The following RBMS3 variants were observed in gnomAD, a reference collection of about 807,000 sequenced individuals.
RBMS3 encodes RNA-binding motif, single-stranded-interacting protein 3.
In RBMS3, 27 loss-of-function variants were observed where a neutral mutation model predicts 66.8. That is an observed-to-expected ratio of 0.40 (90% CI 0.30 to 0.56). The LOEUF is 0.56. Ranked by LOEUF, RBMS3 falls within the 20% of genes least tolerant of loss-of-function variation. The probability of loss-of-function intolerance (pLI) is 0.40; values close to 1 mark genes in which losing one functional copy is unlikely to be tolerated. For missense variants in RBMS3, 513 were observed against 549.5 expected (o/e 0.93, Z 0.66); for synonymous variants, 188 against 183.0 (o/e 1.03, Z -0.22).
chr3:29,731,107 C>A, intron 4 of RBMS3: 2 of 828,446 alleles, frequency 2.4e-6, no homozygotes, highest in Non-Finnish European at 2.9e-6. Context: ...AAATAAAAGC[C>A]AGCCCAAGCC....
At chr3:29,655,707 T>G (rs935922565) in intron 4 of RBMS3, among the ~76,000 whole-genome samples, 2 of 152,234 alleles carry the variant, frequency 1.3e-5, no homozygotes, top group Admixed American at 1.3e-4. Context: ...TATTTTAGAA[T>G]GTACCACTTC....
chr3:29,308,446 A>G (rs2034153403), intron 1 of RBMS3, among the ~76,000 whole-genome samples: 1 of 151,820 alleles, frequency 6.6e-6, no homozygotes, highest in Non-Finnish European at 1.5e-5. Context: ...TCAACAATGA[A>G]CGTATAAGGG....
intron 4 of RBMS3, among the ~76,000 whole-genome samples, chr3:29,703,417 G>T (rs561559296): frequency 1.3e-5 from 2 of 152,222 alleles, no homozygotes; most frequent in South Asian, 4.2e-4. Context: ...TGAAGAGATC[G>T]GTTGCCAGAA....
intron 1 of RBMS3, chr3:29,390,984 C>T (rs113423309): frequency 1.2e-3 from 346 of 291,466 alleles, no homozygotes; most frequent in African/African-American, 6.7e-3. Context: ...ACAAAAGCCA[C>T]GCCCATCTCT....
intron 1 of RBMS3, among the ~76,000 whole-genome samples, chr3:29,308,399 A>T (rs1417462377): frequency 2.0e-5 from 3 of 151,810 alleles, no homozygotes; most frequent in Non-Finnish European, 4.4e-5. Flanking sequence ...ACATTTCCAG[A>T]GTATATCACA....
At chr3:29,359,344 T>G (rs1344388847) in intron 1 of RBMS3, among the ~76,000 whole-genome samples, 2 of 152,216 alleles carry the variant, frequency 1.3e-5, no homozygotes, top group East Asian at 3.8e-4. Context: ...TATGCTGGAT[T>G]ACGTTTATTG....
At chr3:29,321,762 T>C (rs945346009) in intron 1 of RBMS3, among the ~76,000 whole-genome samples, 2 of 152,082 alleles carry the variant, frequency 1.3e-5, no homozygotes, top group Non-Finnish European at 2.9e-5. Flanking sequence ...TGTACATCTG[T>C]GAAGGTCAAA....
intron 3 of RBMS3, among the ~76,000 whole-genome samples, chr3:29,586,625 C>T (rs2047528919): frequency 6.6e-6 from 1 of 152,092 alleles, no homozygotes; most frequent in Non-Finnish European, 1.5e-5. Flanking sequence ...TTCATGAAGT[C>T]AACATGTATT....
chr3:29,713,083 G>T (rs1427681085), intron 4 of RBMS3, among the ~76,000 whole-genome samples: 1 of 151,882 alleles, frequency 6.6e-6, no homozygotes, highest in African/African-American at 2.4e-5. Flanking sequence ...GACCTTCTTA[G>T]TGATTGATTA....
rs1185861167 is a variant in RBMS3, at chr3:29,578,790, C to CTTTTTTTTTTTTTTTTTT, written c.308-8319_308-8302dup. Reference sequence around the variant, plus strand: ...AAAGAATCACAGGTAATACATGCTTCTTTTTTTTTTTTTTTTTTTTTTGAG... The same window carrying CTTTTTTTTTTTTTTTTTT: ...AAAGAATCACAGGTAATACATGCTTCTTTTTTTTTTTTTTTTTTTTTTTTTTTTTTTTTTTTTTTTGAG... On this transcript the variant is annotated intron_variant, in intron 3 of 14. Transcript: ENST00000383767. Among the ~76,000 whole-genome samples, 65 of 101,048 alleles carry CTTTTTTTTTTTTTTTTTT rather than the reference C, an allele frequency of 6.4e-4. 5 individuals are homozygous for CTTTTTTTTTTTTTTTTTT. The highest frequency in any genetic ancestry group is 1.4e-3 in the African/African-American group (30 of 22,042). The allele number at this position is 101,048 out of a possible 152,430, so 66.3% of individuals were successfully genotyped here.
chr3:29,390,554 TAAA>T (rs60624463), intron 1 of RBMS3, among the ~76,000 whole-genome samples: 4 of 150,662 alleles, frequency 2.7e-5, no homozygotes, highest in South Asian at 2.1e-4. Context: ...AAAGTTTATT[TAAA>T]AAAAAAATGA....
chr3:29,530,956 A>G (rs1289480340), intron 3 of RBMS3, among the ~76,000 whole-genome samples: 3 of 152,160 alleles, frequency 2.0e-5, no homozygotes, highest in East Asian at 1.9e-4. Context: ...AAATGTCCCA[A>G]AAATGGTGGG....
chr3:29,386,319 T>G (rs2125633874), intron 1 of RBMS3, among the ~76,000 whole-genome samples: 1 of 152,330 alleles, frequency 6.6e-6, no homozygotes, highest in Non-Finnish European at 1.5e-5. Context: ...GACTATTTTG[T>G]ACATTTTCTC....
intron 3 of RBMS3, among the ~76,000 whole-genome samples, chr3:29,524,032 C>T (rs2044975623): frequency 6.6e-6 from 1 of 152,216 alleles, no homozygotes; most frequent in African/African-American, 2.4e-5. Context: ...GCCCCTGCGC[C>T]CAGCCCATAA....
intron 1 of RBMS3, among the ~76,000 whole-genome samples, chr3:29,338,493 G>A (rs1239379213): frequency 6.6e-6 from 1 of 152,096 alleles, no homozygotes; most frequent in Non-Finnish European, 1.5e-5. Flanking sequence ...GCTCCATCTG[G>A]GAACTTGTAA....
intron 6 of RBMS3, among the ~76,000 whole-genome samples, chr3:29,785,020 T>C (rs2056771768): frequency 6.6e-6 from 1 of 151,834 alleles, no homozygotes; most frequent in South Asian, 2.1e-4. Flanking sequence ...GAGATTGAAA[T>C]GGTAATTTTA....
chr3:29,464,334 G>A (rs1275310376), intron 2 of RBMS3, among the ~76,000 whole-genome samples: 2 of 152,078 alleles, frequency 1.3e-5, no homozygotes, highest in African/African-American at 4.8e-5. Context: ...CCGACTGCAG[G>A]GTGTTTAGTT....
chr3:29,514,793 G>A (rs1015306715), intron 3 of RBMS3, among the ~76,000 whole-genome samples: 1 of 149,364 alleles, frequency 6.7e-6, no homozygotes, highest in Non-Finnish European at 1.5e-5. Context: ...TATATGATAG[G>A]CATATATATG....
chr3:29,355,777 T>C (rs901950776), intron 1 of RBMS3, among the ~76,000 whole-genome samples: 7 of 152,006 alleles, frequency 4.6e-5, no homozygotes, highest in Non-Finnish European at 8.8e-5. Flanking sequence ...AAAATCATAG[T>C]GGAAATTACA....
Sources: allele counts gnomAD v4.1 joint callset (sites outside exome capture counted in the v4.1 genomes callset), GRCh38; gene constraint gnomAD v4.1.1; transcripts MANE v1.5; gene names NCBI Gene and HGNC (gene_info 2026-07-23, HGNC 2026-07-21).